ATP11A: variants seen among roughly 807,000 people sequenced by gnomAD.
The protein encoded by ATP11A is phospholipid-transporting ATPase IH.
In ATP11A, 81 loss-of-function variants were observed where a neutral mutation model predicts 154.4. The ratio of observed to expected loss-of-function variants is 0.52; its 90% CI spans 0.44 to 0.63. ATP11A has a LOEUF of 0.63. Ranked by LOEUF, ATP11A falls within the 30% of genes least tolerant of loss-of-function variation. ATP11A has a pLI of 0.00. For missense variants in ATP11A, 1,316 were observed against 1,474.3 expected (o/e 0.89, Z 1.76); for synonymous variants, 623 against 585.9 (o/e 1.06, Z -0.91).
rs1397386490 is a variant in ATP11A at position 112,823,426 on chromosome 13, T to G, written c.790+17T>G. The G allele has an allele frequency of 1.3e-6, 2 of 1,573,802 alleles. No homozygotes were observed. The highest frequency in any genetic ancestry group is 2.2e-5 in the East Asian group (1 of 44,662). On this transcript the variant is annotated intron_variant, in intron 9 of 29. Transcript: ENST00000375645. ...AAATCTTTGGTAAATATTTAATTAATTATTAACCATTGCCCCTAACATTAA... is the reference window on the plus strand; with the variant it reads ...AAATCTTTGGTAAATATTTAATTAAGTATTAACCATTGCCCCTAACATTAA...
chr13:112,710,438 C>G (rs555459239), intron 1 of ATP11A, among the ~76,000 whole-genome samples: 2 of 152,154 alleles, frequency 1.3e-5, no homozygotes, highest in Non-Finnish European at 2.9e-5. Flanking sequence ...AAACAAGCGC[C>G]CCAGGTTTTC....
intron 2 of ATP11A, among the ~76,000 whole-genome samples, chr13:112,797,312 C>A (rs1382648772): frequency 4.9e-5 from 6 of 122,900 alleles, no homozygotes; most frequent in Non-Finnish European, 5.2e-5. Flanking sequence ...AAAAGGTAAA[C>A]CATATATGCA....
chr13:112,790,142 C>G (rs940083517), intron 2 of ATP11A, among the ~76,000 whole-genome samples: 1 of 139,688 alleles, frequency 7.2e-6, no homozygotes, highest in East Asian at 2.1e-4. Context: ...CTGTGGAGAC[C>G]TACTTAATTC....
At position 112,871,459 on chromosome 13, in the gene ATP11A, G is replaced by C. The variant is rs190908879; in HGVS notation, c.2992-276G>C. 2.0e-5 allele frequency among the ~76,000 whole-genome samples: 3 copies of C among 152,128 alleles called. No homozygotes were observed. In the South Asian group the frequency reaches 6.2e-4, roughly 31 times the overall value. The stretch of plus-strand genomic sequence containing the variant: ...ATTGAGCAGGGCCAGCGTCAGGAGC[G>C]GGCAGCAAGTTGCAGATAGGCAGGC... On this transcript the variant is annotated intron_variant, in intron 25 of 29. Coordinates refer to ENST00000375645, the MANE Select transcript of ATP11A (RefSeq NM_015205.3).
chr13:112,841,461 GTC>G (rs760604711), intron 16 of ATP11A, among the ~76,000 whole-genome samples: 3 of 147,904 alleles, frequency 2.0e-5, no homozygotes, highest in Non-Finnish European at 3.0e-5. Flanking sequence ...GGCTCTGTGT[GTC>G]GGGAGCACCT....
chr13:112,774,205 A>G (rs917798593), intron 1 of ATP11A, among the ~76,000 whole-genome samples: 1 of 152,186 alleles, frequency 6.6e-6, no homozygotes, highest in African/African-American at 2.4e-5. Context: ...ATGAAAGCAG[A>G]TTTTACTTGG....
intron 1 of ATP11A, among the ~76,000 whole-genome samples, chr13:112,752,194 G>C (rs1022567974): frequency 6.6e-6 from 1 of 152,208 alleles, no homozygotes; most frequent in South Asian, 2.1e-4. Context: ...TCAAGGTGGG[G>C]GACGTCTGGC....
intron 25 of ATP11A, among the ~76,000 whole-genome samples, chr13:112,865,479 A>G (rs907269086): frequency 6.6e-6 from 1 of 152,218 alleles, no homozygotes; most frequent in Non-Finnish European, 1.5e-5. Flanking sequence ...GCTCTGGGTC[A>G]CTTTAAAGAT....
intron 1 of ATP11A, among the ~76,000 whole-genome samples, chr13:112,741,553 G>A (rs1005601955): frequency 6.6e-5 from 10 of 152,170 alleles, no homozygotes; most frequent in African/African-American, 2.4e-4. Flanking sequence ...AGCGGTGGAG[G>A]GTGGAGGCAC....
intron 10 of ATP11A, 70 bp from the exon 11 acceptor site, chr13:112,825,360 T>C (rs968277489): frequency 2.7e-6 from 4 of 1,497,296 alleles, no homozygotes; most frequent in Non-Finnish European, 3.6e-6. Context: ...GTCATCTTGA[T>C]ATCTGTGAGA....
At chr13:112,730,897 C>T (rs755186938) in intron 1 of ATP11A, among the ~76,000 whole-genome samples, 1 of 152,144 alleles carries the variant, frequency 6.6e-6, no homozygotes, top group Non-Finnish European at 1.5e-5. Flanking sequence ...TCGGGCAGCA[C>T]TTTCTCATGG....
intron 27 of ATP11A, 129 bp downstream of exon 27, chr13:112,873,805 T>G: frequency 1.1e-6 from 1 of 871,126 alleles, no homozygotes; most frequent in Non-Finnish European, 1.8e-6. Flanking sequence ...ATGGCTGCTG[T>G]GTGCTGGGTG....
rs1033110858 is a variant in ATP11A, at chr13:112,882,893, C to T, written c.*1027C>T. ...GGTGTTCGTGCACCAGAACCTGTCT[C>T]GGGCTGACGGGGGTGGCACACAGGA... On this transcript the variant is annotated 3_prime_UTR_variant, in exon 30 of 30. Coordinates refer to ENST00000375645, the MANE Select transcript of ATP11A (RefSeq NM_015205.3). The surrounding 1 kb of genome is among the most constrained non-coding windows in gnomAD (Gnocchi z 5.1). 5.0e-6 allele frequency: 2 copies of T among 398,888 alleles called. No individual in the cohort carries two copies. The highest frequency in any genetic ancestry group is 4.4e-5 in the Admixed American group (1 of 22,738). The allele number at this position is 398,888 out of a possible 1,614,324, so 24.7% of individuals were successfully genotyped here.
chr13:112,816,426 T>C (rs2078647574), intron 6 of ATP11A, among the ~76,000 whole-genome samples: 1 of 152,232 alleles, frequency 6.6e-6, no homozygotes, highest in Non-Finnish European at 1.5e-5. Context: ...TTGTGTATAT[T>C]TGAGGCATAT....
intron 1 of ATP11A, among the ~76,000 whole-genome samples, chr13:112,770,488 T>C (rs1566456287): frequency 6.6e-6 from 1 of 152,222 alleles, no homozygotes; most frequent in South Asian, 2.1e-4. Context: ...CTTCTGATCC[T>C]GTCCCAGCAG....
Position 112,690,276 on chromosome 13 carries a change from C to A in ATP11A, c.-141C>A. 2.5e-6 allele frequency: 1 copy of A among 405,354 alleles called. No individual in the cohort carries two copies. Among genetic ancestry groups the A allele is most frequent in the Non-Finnish European group, 3.4e-6 (1 of 291,256 alleles). The allele number at this position is 405,354 out of a possible 1,614,324, so 25.1% of individuals were successfully genotyped here. A position where few individuals can be genotyped will look rare whatever the true frequency, so the allele number is the denominator to read the frequency against. On this transcript the variant is annotated 5_prime_UTR_variant, in exon 1 of 30. Transcript: ENST00000375645. The surrounding 1 kb of genome is among the most constrained non-coding windows in gnomAD (Gnocchi z 5.6). The stretch of plus-strand genomic sequence containing the variant: ...GCCGGGCATGAGCGCGGAGGGGCCG[C>A]GGCCGCCCCCTGCACCGCCCGGCGC...
chr13:112,762,979 A>G (rs1030438817), intron 1 of ATP11A, among the ~76,000 whole-genome samples: 3 of 152,226 alleles, frequency 2.0e-5, no homozygotes, highest in African/African-American at 7.2e-5. Flanking sequence ...ACCATTCTTC[A>G]GTTTGCCCCA....
At position 112,839,549 on chromosome 13, in the gene ATP11A, C is replaced by A. The variant is rs552710445; in HGVS notation, c.1706-2727C>A. ...AAATGGCAGTAAGCCCTTCTTGGTC[C>A]CAGAGGGGACAGCCACCAACCACGG... On this transcript the variant is annotated intron_variant, in intron 16 of 29. Coordinates refer to ENST00000375645, the MANE Select transcript of ATP11A (RefSeq NM_015205.3). Among the ~76,000 whole-genome samples the A allele has an allele frequency of 6.6e-5, 10 of 152,254 alleles. No individual in the cohort carries two copies. In the East Asian group the frequency reaches 1.4e-3, roughly 21 times the overall value.
rs567253190 is a variant in ATP11A at position 112,712,652 on chromosome 13, C to T, written c.39+22197C>T. On this transcript the variant is annotated intron_variant, in intron 1 of 29. Coordinates refer to ENST00000375645, the MANE Select transcript of ATP11A (RefSeq NM_015205.3). Reference sequence around the variant, plus strand: ...CTGCGCAGAGCCCCTCTCACTGGACCGGCGTCAGTGCCCCACAGAGACTGG... The same window carrying T: ...CTGCGCAGAGCCCCTCTCACTGGACTGGCGTCAGTGCCCCACAGAGACTGG... Among the ~76,000 whole-genome samples, 456 of 152,330 alleles carry T rather than the reference C, an allele frequency of 3.0e-3. 1 individual carries two copies. The highest frequency in any genetic ancestry group is 4.8e-3 in the Admixed American group (74 of 15,310).
Sources: allele counts gnomAD v4.1 joint callset (sites outside exome capture counted in the v4.1 genomes callset), GRCh38; gene constraint gnomAD v4.1.1; non-coding constraint Gnocchi (gnomAD v3.1); transcripts MANE v1.5; gene names NCBI Gene and HGNC (gene_info 2026-07-23, HGNC 2026-07-21).